Variants in GSE1 observed in about 807,000 individuals in gnomAD.
GSE1 encodes Gse1 coiled-coil protein, also known as genetic suppressor element 1.
GSE1 carries 32 observed loss-of-function variants against 112.6 expected under a neutral mutation model. That is an observed-to-expected ratio of 0.28 (90% CI 0.21 to 0.38). GSE1 has a LOEUF of 0.38. GSE1 is among the 10% of genes least tolerant of loss of function. The pLI, the probability that GSE1 is intolerant of heterozygous loss-of-function variation, is 1.00. For synonymous variants in GSE1, 1,115 were observed against 735.6 expected, an observed-to-expected ratio of 1.52 and a Z score of -8.35; for missense variants, 2,348 against 1,699.2, an observed-to-expected ratio of 1.38 and a Z score of -6.71.
chr16:85,640,711 C>A (rs1212604376), intron 2 of GSE1, among the ~76,000 whole-genome samples: 1 of 152,266 alleles, frequency 6.6e-6, no homozygotes, highest in African/African-American at 2.4e-5. Context: ...TCTGCCGCTG[C>A]CTCGGAAATC....
intron 5 of GSE1, 97 bp from the exon 6 acceptor site, chr16:85,655,629 A>G: frequency 1.4e-6 from 1 of 719,392 alleles, no homozygotes. Flanking sequence ...CCCCACGCTC[A>G]GGCAGGTGTG....
In GSE1 at chr16:85,402,207, C is replaced by T. The variant is rs900252488; in HGVS notation, c.2464+44564C>T. Among the ~76,000 whole-genome samples the T allele has an allele frequency of 3.3e-5, 5 of 152,268 alleles. No homozygotes were observed. The South Asian group carries it at 6.2e-4, about 19-fold the overall frequency. On this transcript the variant is annotated intron_variant, in intron 2 of 2. Coordinates refer to the GSE1 transcript ENST00000637419. ...TGTCCATAGGAACCTTGCGGCCTGG[C>T]GGGAGGTGAGATAAGCTGGTGGGTA...
At chr16:85,338,171 C>A (rs1443377152) in intron 1 of GSE1, among the ~76,000 whole-genome samples, 1 of 152,250 alleles carries the variant, frequency 6.6e-6, no homozygotes, top group Non-Finnish European at 1.5e-5. Flanking sequence ...GGCAGGCTGC[C>A]TGGGCGTTGC....
intron 1 of GSE1, among the ~76,000 whole-genome samples, chr16:85,249,410 G>A (rs1429169161): frequency 6.6e-6 from 1 of 152,256 alleles, no homozygotes; most frequent in African/African-American, 2.4e-5. Flanking sequence ...CACTCTGTGG[G>A]CCTGTGCAGG....
Position 85,661,189 on chromosome 16 carries a change from C to A in GSE1, c.1684C>A (p.Gln562Lys). The change falls in exon 9 of 16, where the codon CAG becomes AAG. Residue 562 changes from glutamine to lysine, a missense_variant. Physicochemically the swap from Gln to Lys is moderately conservative, Grantham distance 53. Transcript: ENST00000253458. Reference sequence around the variant, plus strand: ...CGAGCCAGGTGGCCGTGACCCTCCGCAGCACTTTGGGGGGCCACCACCTCT... The same window carrying A: ...CGAGCCAGGTGGCCGTGACCCTCCGAAGCACTTTGGGGGGCCACCACCTCT... ...RHEPGGRDPPQHFGGPPPLIS... is the reference protein window; with the variant it reads ...RHEPGGRDPPKHFGGPPPLIS... 1 of 1,603,676 alleles carries A rather than the reference C, an allele frequency of 6.2e-7. No individual in the cohort carries two copies.
At chr16:85,323,908 G>C (rs2046169905) in intron 1 of GSE1, among the ~76,000 whole-genome samples, 1 of 152,212 alleles carries the variant, frequency 6.6e-6, no homozygotes, top group African/African-American at 2.4e-5. Context: ...TCCAAGTCCA[G>C]TAAGGCCTTG....
At chr16:85,324,079 A>T (rs911231061) in intron 1 of GSE1, among the ~76,000 whole-genome samples, 1 of 152,190 alleles carries the variant, frequency 6.6e-6, no homozygotes, top group Non-Finnish European at 1.5e-5. Flanking sequence ...GGACGTGGAG[A>T]AGTTGGAACC....
Position 85,654,372 on chromosome 16 carries a change from C to T in GSE1, c.521C>T (p.Ser174Leu), listed in dbSNP as rs762642955. Residue 174 changes from serine (S) to leucine (L), a missense_variant, in exon 4 of 16, where the codon TCG (serine) becomes TTG (leucine). Coordinates refer to ENST00000253458, the MANE Select transcript of GSE1 (RefSeq NM_014615.5). ...AAGGCAGGGGGACCAGCCATCCCCT[C>T]GCACCTGCTCAGCACCCCCTACCCC... Reference protein sequence around the residue: ...QEKAGGPAIPSHLLSTPYPFG... With the variant: ...QEKAGGPAIPLHLLSTPYPFG... 2.0e-5 allele frequency: 32 copies of T among 1,611,836 alleles called. No individual in the cohort carries two copies. Among genetic ancestry groups the T allele is most frequent in the Admixed American group, 1.8e-4 (11 of 59,954 alleles).
upstream of GSE1, chr16:85,555,335 C>T (rs1403461006): frequency 1.0e-6 from 1 of 985,024 alleles, no homozygotes; most frequent in East Asian, 1.1e-4. Context: ...TCTCCTCCTC[C>T]TTCCACCCCC....
intron 1 of GSE1, among the ~76,000 whole-genome samples, chr16:85,557,302 G>T (rs907303139): frequency 6.6e-6 from 1 of 152,140 alleles, no homozygotes; most frequent in African/African-American, 2.4e-5. Context: ...GCTGTGCTGC[G>T]TGTGACTGCT....
At chr16:85,449,001 G>C (rs1160370091) in intron 2 of GSE1, among the ~76,000 whole-genome samples, 2 of 152,192 alleles carry the variant, frequency 1.3e-5, no homozygotes, top group East Asian at 3.9e-4. Flanking sequence ...ACTCGCCTGA[G>C]CAGGAGGCCT....
intron 2 of GSE1, among the ~76,000 whole-genome samples, chr16:85,437,619 C>G (rs2049280763): frequency 6.6e-6 from 1 of 152,088 alleles, no homozygotes. Flanking sequence ...AGGAAGGGAT[C>G]TGGGCTGGAG....
At chr16:85,245,227 T>G (rs961808133) in intron 1 of GSE1, among the ~76,000 whole-genome samples, 11 of 152,090 alleles carry the variant, frequency 7.2e-5, no homozygotes, top group Admixed American at 7.2e-4. Context: ...AGGTAGCCAG[T>G]GAGAAATTTC....
At chr16:85,169,544 C>G (rs1236036183) in exon 1 of GSE1, 5 of 958,296 alleles carry the variant, frequency 5.2e-6, no homozygotes, top group South Asian at 9.3e-5. Flanking sequence ...CGGCCGGCCC[C>G]GGTCTCCCGC....
chr16:85,241,176 ACCTTGGGCTCGGCTGCG>A (rs1905139258), intron 1 of GSE1, among the ~76,000 whole-genome samples: 1 of 147,276 alleles, frequency 6.8e-6, no homozygotes, highest in South Asian at 2.1e-4. Flanking sequence ...CGGCTGCGTG[ACCTTGGGCTCGGCTGCG>A]AGACCTTGGG....
chr16:85,583,071 A>G (rs1053913430), intron 1 of GSE1, among the ~76,000 whole-genome samples: 48 of 152,094 alleles, frequency 3.2e-4, no homozygotes, highest in Admixed American at 1.0e-3. Flanking sequence ...GTACACCCCC[A>G]GCTCTCCAGA....
chr16:85,397,878 T>C (rs1317940549), intron 2 of GSE1, among the ~76,000 whole-genome samples: 1 of 152,074 alleles, frequency 6.6e-6, no homozygotes, highest in African/African-American at 2.4e-5. Context: ...GGTGTGAGGC[T>C]TCTGGAAGCA....
In GSE1 at chr16:85,392,597, T is replaced by C. The variant is rs572774226; in HGVS notation, c.2464+34954T>C. ...GGTTATGTATAATAAAGCTGTTATATTGAAAAAGTATTTGTTGTTTATCTG... is the reference window on the plus strand; with the variant it reads ...GGTTATGTATAATAAAGCTGTTATACTGAAAAAGTATTTGTTGTTTATCTG... On this transcript the variant is annotated intron_variant, in intron 2 of 2. Transcript: ENST00000637419. Among the ~76,000 whole-genome samples, 29 of 152,352 alleles carry C rather than the reference T, an allele frequency of 1.9e-4. No homozygotes were observed. In the South Asian group the frequency reaches 6.0e-3, roughly 32 times the overall value.
intron 1 of GSE1, among the ~76,000 whole-genome samples, chr16:85,184,831 A>T (rs1238790800): frequency 6.6e-6 from 1 of 152,182 alleles, no homozygotes; most frequent in Non-Finnish European, 1.5e-5. Flanking sequence ...TATGGCTTTA[A>T]TCCTTTTATA....
Sources: gnomAD v4.1 joint callset for allele counts (sites outside exome capture counted in the v4.1 genomes callset) on GRCh38, gnomAD v4.1.1 for gene constraint, MANE v1.5 for transcripts, NCBI Gene and HGNC (gene_info 2026-07-23, HGNC 2026-07-21) for gene names.